Variants in ERBB4 observed in about 807,000 individuals in gnomAD.
The protein encoded by ERBB4 is erb-b2 receptor tyrosine kinase 4.
ERBB4 carries 42 observed loss-of-function variants against 158.0 expected under a neutral mutation model. The observed-to-expected ratio is 0.27, with a 90% CI of 0.21 to 0.34. The LOEUF is 0.34. Among genes scored for constraint, ERBB4 ranks in the 10% least tolerant of loss-of-function variants. ERBB4 has a pLI of 1.00. For missense variants in ERBB4, 1,333 were observed against 1,624.1 expected, an observed-to-expected ratio of 0.82 and a Z score of 3.08; for synonymous variants, 583 against 558.7, an observed-to-expected ratio of 1.04 and a Z score of -0.61.
intron 14 of ERBB4, among the ~76,000 whole-genome samples, chr2:211,667,608 T>C (rs956718973): frequency 3.9e-5 from 6 of 152,270 alleles, no homozygotes; most frequent in African/African-American, 1.4e-4. Context: ...CACAGAATCA[T>C]TTACTGTGCA....
chr2:211,804,006 T>G (rs942917340), intron 3 of ERBB4, among the ~76,000 whole-genome samples: 1 of 152,178 alleles, frequency 6.6e-6, no homozygotes, highest in Non-Finnish European at 1.5e-5. Context: ...TTTGTTGCAA[T>G]GGAGTAGAAT....
intron 3 of ERBB4, among the ~76,000 whole-genome samples, chr2:211,826,583 T>A (rs2077104465): frequency 6.7e-6 from 1 of 149,882 alleles, no homozygotes; most frequent in Admixed American, 6.7e-5. Flanking sequence ...TATTTCCTCC[T>A]GGCTCCCAAG....
At chr2:211,875,697 T>C (rs902365959) in intron 3 of ERBB4, among the ~76,000 whole-genome samples, 2 of 152,202 alleles carry the variant, frequency 1.3e-5, no homozygotes, top group Admixed American at 6.5e-5. Context: ...GGCCTTCACA[T>C]TGACTCATCA....
chr2:211,627,646 A>C (rs1175286988), intron 17 of ERBB4, among the ~76,000 whole-genome samples: 1 of 152,242 alleles, frequency 6.6e-6, no homozygotes, highest in African/African-American at 2.4e-5. Flanking sequence ...GTCAGTGTTC[A>C]AAGGAGAAGT....
chr2:212,300,766 C>A lies in ERBB4; in HGVS notation c.83-175863G>T, dbSNP rs112750472. On this transcript the variant is annotated intron_variant, in intron 1 of 27. Coordinates refer to ENST00000342788, the MANE Select transcript of ERBB4 (RefSeq NM_005235.3). Reference sequence around the variant, plus strand: ...AACCATTAACAATGGACTAAGAGAACCTGCGTTCGAATCTTAATGTTTTTG... The same window carrying A: ...AACCATTAACAATGGACTAAGAGAAACTGCGTTCGAATCTTAATGTTTTTG... 5.2e-3 allele frequency among the ~76,000 whole-genome samples: 792 copies of A among 151,486 alleles called. 4 individuals carry two copies. The highest frequency in any genetic ancestry group is 0.017 in the Middle Eastern group (5 of 294).
At chr2:212,447,030 T>C (rs1239728407) in intron 1 of ERBB4, among the ~76,000 whole-genome samples, 2 of 151,432 alleles carry the variant, frequency 1.3e-5, no homozygotes, top group Non-Finnish European at 2.9e-5. Context: ...GGAGTCTCGC[T>C]GTGTCACCTA....
chr2:211,926,733 A>C (rs2080030091), intron 3 of ERBB4, among the ~76,000 whole-genome samples: 1 of 152,108 alleles, frequency 6.6e-6, no homozygotes, highest in Non-Finnish European at 1.5e-5. Context: ...CATTTTCTCC[A>C]AACCCAATCC....
intron 14 of ERBB4, among the ~76,000 whole-genome samples, chr2:211,666,863 C>G (rs549825543): frequency 1.4e-4 from 22 of 152,184 alleles, no homozygotes; most frequent in African/African-American, 4.8e-4. Context: ...AGTAAGCATA[C>G]AGAGAGACAA....
At position 212,223,292 on chromosome 2, in the gene ERBB4, C is replaced by T. The variant is rs543336439; in HGVS notation, c.83-98389G>A. 1.9e-4 allele frequency among the ~76,000 whole-genome samples: 29 copies of T among 149,154 alleles called. 1 individual carries two copies. The South Asian group carries it at 4.4e-3, about 23-fold the overall frequency. On this transcript the variant is annotated intron_variant, in intron 1 of 27. Transcript: ENST00000342788. Reference sequence around the variant, plus strand: ...ATACTGTTTCACAGCTCTATAGTTACCTTGCATGAACCTTTATTTTAGCAA... The same window carrying T: ...ATACTGTTTCACAGCTCTATAGTTATCTTGCATGAACCTTTATTTTAGCAA...
intron 11 of ERBB4, among the ~76,000 whole-genome samples, chr2:211,702,626 AG>A (rs1217385354): frequency 2.6e-5 from 4 of 152,190 alleles, no homozygotes; most frequent in African/African-American, 9.7e-5. Flanking sequence ...ATAGGTATTT[AG>A]CTTTAATTTA....
In ERBB4 at chr2:212,063,325, T is replaced by C. The variant is rs769268145; in HGVS notation, c.234+61427A>G. Among the ~76,000 whole-genome samples, 9 of 152,246 alleles carry C rather than the reference T, an allele frequency of 5.9e-5. No homozygotes were observed. The South Asian group carries it at 1.7e-3, about 28-fold the overall frequency. ...TAAACAGGTCCTTGAATTTCAAAAA[T>C]GTGTATATCATATAAACTCACCTGT... On this transcript the variant is annotated intron_variant, in intron 2 of 27. Coordinates refer to ENST00000342788, the MANE Select transcript of ERBB4 (RefSeq NM_005235.3).
intron 18 of ERBB4, among the ~76,000 whole-genome samples, chr2:211,619,891 T>C (rs993266690): frequency 6.6e-6 from 1 of 152,178 alleles, no homozygotes; most frequent in South Asian, 2.1e-4. Flanking sequence ...AGCATGTGTA[T>C]ATGTGTGTGC....
intron 2 of ERBB4, among the ~76,000 whole-genome samples, chr2:212,096,292 ACAGCATAGCC>A (rs5838299): frequency 0.32 from 48,494 of 151,808 alleles, 10,116 homozygotes; most frequent in East Asian, 0.88. Context: ...TAGATTGATA[ACAGCATAGCC>A]TTTGTGCAAG....
chr2:212,291,619 A>C (rs2086208904), intron 1 of ERBB4, among the ~76,000 whole-genome samples: 1 of 152,088 alleles, frequency 6.6e-6, no homozygotes, highest in African/African-American at 2.4e-5. Context: ...TAAATTAATT[A>C]GATGTCATCT....
intron 1 of ERBB4, among the ~76,000 whole-genome samples, chr2:212,165,177 G>C (rs918589523): frequency 6.6e-6 from 1 of 151,860 alleles, no homozygotes; most frequent in African/African-American, 2.4e-5. Flanking sequence ...CAGGTAATCA[G>C]CTAGGATTAA....
At chr2:212,359,484 T>G (rs534466237) in intron 1 of ERBB4, among the ~76,000 whole-genome samples, 1 of 151,378 alleles carries the variant, frequency 6.6e-6, no homozygotes, top group East Asian at 1.9e-4. Context: ...TTTGGGCTAA[T>G]GTATCTGTTT....
At chr2:212,537,132 A>AGGCGGCGGC (rs71397171) in intron 1 of ERBB4, among the ~76,000 whole-genome samples, 10 of 99,530 alleles carry the variant, frequency 1.0e-4, no homozygotes, top group Admixed American at 1.6e-4. Flanking sequence ...TAGGCAAAGG[A>AGGCGGCGGC]GGCGGCGGCG....
At chr2:212,070,800 C>T (rs2078092293) in intron 2 of ERBB4, among the ~76,000 whole-genome samples, 1 of 151,818 alleles carries the variant, frequency 6.6e-6, no homozygotes, top group Non-Finnish European at 1.5e-5. Context: ...TCTTTAAATA[C>T]ATTTAGTTTT....
intron 12 of ERBB4, among the ~76,000 whole-genome samples, chr2:211,688,989 T>C (rs1166721770): frequency 6.6e-6 from 1 of 151,978 alleles, no homozygotes; most frequent in African/African-American, 2.4e-5. Flanking sequence ...AAATATCATA[T>C]ATTATGACAT....
Sources: allele counts gnomAD v4.1 joint callset (sites outside exome capture counted in the v4.1 genomes callset), GRCh38; gene constraint gnomAD v4.1.1; transcripts MANE v1.5; gene names NCBI Gene and HGNC (gene_info 2026-07-23, HGNC 2026-07-21).